Variants in RTRAF observed in about 807,000 individuals in gnomAD.
The protein encoded by RTRAF is tRNA-splicing ligase complex subunit RTRAF.
A neutral mutation model predicts 34.4 loss-of-function variants in RTRAF; 14 were observed. The observed-to-expected ratio is 0.41, with a 90% CI of 0.27 to 0.64. The LOEUF (loss-of-function observed/expected upper bound fraction) is 0.64, where lower values mean the gene tolerates loss of function less well. Ranked by LOEUF, RTRAF falls within the 30% of genes least tolerant of loss-of-function variation. The pLI is 0.34. For missense variants in RTRAF, 291 were observed against 288.4 expected (o/e 1.01, Z -0.06); for synonymous variants, 96 against 95.3 (o/e 1.01, Z -0.04).
intron 3 of RTRAF, among the ~76,000 whole-genome samples, chr14:51,995,970 T>C (rs1890515498): frequency 6.6e-6 from 1 of 152,196 alleles, no homozygotes; most frequent in Non-Finnish European, 1.5e-5. Context: ...TTATCAAAAC[T>C]GTTTTTCATT....
rs1890811160 is a variant in RTRAF at position 52,006,994 on chromosome 14, CTTTGTA to C, written c.*2479_*2484del. 1 of 173,544 alleles carries C rather than the reference CTTTGTA, an allele frequency of 5.8e-6. No individual in the cohort carries two copies. Among genetic ancestry groups the C allele is most frequent in the African/African-American group, 2.4e-5 (1 of 41,940 alleles). 10.8% of individuals were successfully genotyped at this position (173,544 alleles called of 1,614,324 possible). The stretch of plus-strand genomic sequence containing the variant: ...TATAACATCTGGGTAAATACTTGCC[CTTTGTA>C]AGCTATGTCTATAATTACTGAGGCA... On this transcript the variant is annotated 3_prime_UTR_variant, in exon 8 of 8. Transcript: ENST00000261700.
chr14:51,989,636 GA>G lies in RTRAF; in HGVS notation c.-3del, dbSNP rs1234321423. ...CCGGGGGACCAGAGCGAGAAGCGGGGACCATGTTCCGACGCAAGTTGACGGC... is the reference window on the plus strand; with the variant it reads ...CCGGGGGACCAGAGCGAGAAGCGGGGCCATGTTCCGACGCAAGTTGACGGC... On this transcript the variant is annotated 5_prime_UTR_variant, in exon 1 of 8. Coordinates refer to ENST00000261700, the MANE Select transcript of RTRAF (RefSeq NM_016039.3). The G allele has an allele frequency of 6.2e-7, 1 of 1,602,972 alleles. No individual in the cohort carries two copies. Among genetic ancestry groups the G allele is most frequent in the African/African-American group, 1.3e-5 (1 of 74,526 alleles).
chr14:51,992,912 C>A (rs1890455429), intron 2 of RTRAF, among the ~76,000 whole-genome samples: 1 of 152,134 alleles, frequency 6.6e-6, no homozygotes, highest in South Asian at 2.1e-4. Context: ...TGTGTGTAAT[C>A]TCAGCTGCCC....
At chr14:51,990,714 G>A (rs1447091353) in intron 1 of RTRAF, among the ~76,000 whole-genome samples, 1 of 152,172 alleles carries the variant, frequency 6.6e-6, no homozygotes, top group Non-Finnish European at 1.5e-5. Context: ...AAAGAGGTAT[G>A]GGGAGGATTA....
At chr14:51,993,277 A>G (rs1366992492) in intron 2 of RTRAF, among the ~76,000 whole-genome samples, 1 of 152,106 alleles carries the variant, frequency 6.6e-6, no homozygotes, top group African/African-American at 2.4e-5. Flanking sequence ...ACTTGGTTAC[A>G]CCCTACATGT....
chr14:51,993,083 G>A (rs564140377), intron 2 of RTRAF, among the ~76,000 whole-genome samples: 35 of 151,458 alleles, frequency 2.3e-4, no homozygotes, highest in African/African-American at 6.8e-4. Context: ...ATACACACAC[G>A]TATTTCTGAT....
intron 6 of RTRAF, among the ~76,000 whole-genome samples, chr14:52,002,821 G>A (rs1193218085): frequency 1.3e-5 from 2 of 152,188 alleles, no homozygotes; most frequent in Non-Finnish European, 2.9e-5. Flanking sequence ...GGCAGGCCAA[G>A]CAGTGTTAAA....
intron 6 of RTRAF, among the ~76,000 whole-genome samples, chr14:52,003,225 A>G (rs984427690): frequency 6.6e-6 from 1 of 152,270 alleles, no homozygotes; most frequent in Admixed American, 6.5e-5. Context: ...TTTGAGGCAT[A>G]TGGTAGTTTT....
intron 6 of RTRAF, among the ~76,000 whole-genome samples, chr14:52,003,260 G>A (rs1359306076): frequency 6.6e-6 from 1 of 151,926 alleles, no homozygotes; most frequent in Non-Finnish European, 1.5e-5. Flanking sequence ...TGGCCTGTTG[G>A]CAAAGGAAAA....
chr14:51,995,810 T>A (rs559793436), intron 3 of RTRAF, among the ~76,000 whole-genome samples: 35 of 145,582 alleles, frequency 2.4e-4, no homozygotes, highest in South Asian at 1.1e-3. Flanking sequence ...CCATTTAATT[T>A]AAAAAAAAAA....
At chr14:51,998,024 A>G (rs1318187694) in intron 3 of RTRAF, 3 of 152,050 alleles carry the variant, frequency 2.0e-5, no homozygotes, top group East Asian at 1.9e-4. Context: ...TACATTTTCT[A>G]TAGCAAAAAT....
rs2140341608 is a variant in RTRAF at position 52,008,462 on chromosome 14, C to CT, written c.*3947dup. 1 of 152,938 alleles carries CT rather than the reference C, an allele frequency of 6.5e-6. No homozygotes were observed. Among genetic ancestry groups the CT allele is most frequent in the African/African-American group, 2.4e-5 (1 of 41,586 alleles). 9.5% of individuals were successfully genotyped at this position (152,938 alleles called of 1,614,324 possible). ...GGTGAAGACACACTTGGATTCCTGA[C>CT]TCACAGAAACTGTGAGACTAAATGT... On this transcript the variant is annotated 3_prime_UTR_variant, in exon 8 of 8. Coordinates refer to ENST00000261700, the MANE Select transcript of RTRAF (RefSeq NM_016039.3).
chr14:51,999,978 A>G, intron 5 of RTRAF, 182 bp downstream of exon 5: 2 of 493,840 alleles, frequency 4.0e-6, no homozygotes, highest in South Asian at 3.9e-5. Flanking sequence ...TGCCTGCACT[A>G]TGCTAAATCC....
rs4901177 is a variant in RTRAF, at chr14:52,010,341, A to G, written c.*5825A>G. On this transcript the variant is annotated 3_prime_UTR_variant, in exon 8 of 8. Transcript: ENST00000261700. ...GATTGTAACAAGTACTGAGACAGTG[A>G]ACAAATCCTGTATGTCACATTTGAT... 0.1 allele frequency: 15,225 copies of G among 152,426 alleles called. 814 individuals carry two copies. Among genetic ancestry groups the G allele is most frequent in the Non-Finnish European group, 0.11 (7,654 of 68,154 alleles). 9.4% of individuals were successfully genotyped at this position (152,426 alleles called of 1,614,324 possible). A position where few individuals can be genotyped will look rare whatever the true frequency, so the allele number is the denominator to read the frequency against.
chr14:51,993,445 C>T (rs1890466613), intron 2 of RTRAF, among the ~76,000 whole-genome samples: 1 of 151,850 alleles, frequency 6.6e-6, no homozygotes, highest in African/African-American at 2.4e-5. Context: ...GATTCTAGTC[C>T]CAGGTGTAAG....
Position 52,001,716 on chromosome 14 carries a change from C to T in RTRAF, c.463-82C>T, listed in dbSNP as rs537041282. The T allele has an allele frequency of 2.4e-5, 24 of 1,012,114 alleles. No individual in the cohort carries two copies. In the South Asian group the frequency reaches 3.7e-4, roughly 16 times the overall value. The allele number at this position is 1,012,114 out of a possible 1,614,324, so 62.7% of individuals were successfully genotyped here. On this transcript the variant is annotated intron_variant, in intron 5 of 7. Coordinates refer to ENST00000261700, the MANE Select transcript of RTRAF (RefSeq NM_016039.3). The stretch of plus-strand genomic sequence containing the variant: ...GTAATTCTGACTTCATCAAAATGAG[C>T]ATCCTTATTCTCTGGGCTCATAGAA...
Position 52,007,684 on chromosome 14 carries a change from C to A in RTRAF, c.*3168C>A. ...TTACTAGTACTTAAATTTACTAGTA[C>A]TTAAAAGTTTACAGACCAAAGAAAG... On this transcript the variant is annotated 3_prime_UTR_variant, in exon 8 of 8. Transcript: ENST00000261700. 1 of 893,712 alleles carries A rather than the reference C, an allele frequency of 1.1e-6. No homozygotes were observed. Among genetic ancestry groups the A allele is most frequent in the Non-Finnish European group, 1.8e-6 (1 of 566,664 alleles). 55.4% of individuals were successfully genotyped at this position (893,712 alleles called of 1,614,324 possible). A position where few individuals can be genotyped will look rare whatever the true frequency, so the allele number is the denominator to read the frequency against.
rs1245980809 is a variant in RTRAF, at chr14:52,005,584, A to G, written c.*1068A>G. ...CAGCAAGTCTTTGCATTTTGTGTATAAACTAGGTAGATTTAAGGTAGTAAA... is the reference window on the plus strand; with the variant it reads ...CAGCAAGTCTTTGCATTTTGTGTATGAACTAGGTAGATTTAAGGTAGTAAA... On this transcript the variant is annotated 3_prime_UTR_variant, in exon 8 of 8. Transcript: ENST00000261700. 1.3e-6 allele frequency: 2 copies of G among 1,508,984 alleles called. No homozygotes were observed. Among genetic ancestry groups the G allele is most frequent in the South Asian group, 1.2e-5 (1 of 83,922 alleles). The allele number at this position is 1,508,984 out of a possible 1,614,324, so 93.5% of individuals were successfully genotyped here. A position where few individuals can be genotyped will look rare whatever the true frequency, so the allele number is the denominator to read the frequency against.
At chr14:51,999,531 T>G (rs1566733230) in intron 4 of RTRAF, 177 bp from the exon 5 acceptor site, 3 of 500,156 alleles carry the variant, frequency 6.0e-6, no homozygotes, top group Non-Finnish European at 1.1e-5. Context: ...TCTTACCAAT[T>G]TATTTAATTG....
Sources: gnomAD v4.1 joint callset for allele counts (sites outside exome capture counted in the v4.1 genomes callset) on GRCh38, gnomAD v4.1.1 for gene constraint, MANE v1.5 for transcripts, NCBI Gene and HGNC (gene_info 2026-07-23, HGNC 2026-07-21) for gene names.